SEMA3E: variants seen among roughly 807,000 people sequenced by gnomAD.
SEMA3E encodes semaphorin-3E.
Under a neutral mutation model 93.6 loss-of-function variants are expected in SEMA3E, and 49 were observed. The observed-to-expected ratio is 0.52, with a 90% confidence interval of 0.42 to 0.66. SEMA3E has a LOEUF of 0.66. Ranked by LOEUF, SEMA3E falls within the 30% of genes least tolerant of loss-of-function variation. The probability of loss-of-function intolerance (pLI) is 0.00; values close to 1 mark genes in which losing one functional copy is unlikely to be tolerated. For missense variants in SEMA3E, 906 were observed against 964.8 expected (o/e 0.94, Z 0.81); for synonymous variants, 363 against 330.7 (o/e 1.10, Z -1.06).
chr7:83,374,819 A>G (rs1477357388), intron 16 of SEMA3E, among the ~76,000 whole-genome samples: 1 of 152,160 alleles, frequency 6.6e-6, no homozygotes, highest in Non-Finnish European at 1.5e-5. Flanking sequence ...TGAAAGTAGA[A>G]AAAGGAGGTC....
At chr7:83,368,211 G>C (rs2709969) in intron 16 of SEMA3E, among the ~76,000 whole-genome samples, 173 bp from the exon 17 acceptor site, 5 of 52,200 alleles carry the variant, frequency 9.6e-5, no homozygotes, top group African/African-American at 2.2e-4. Context: ...CTCTCTCTCT[G>C]TGTGTGTGTG....
chr7:83,389,966 C>T (rs969297758), intron 14 of SEMA3E, among the ~76,000 whole-genome samples: 4 of 139,952 alleles, frequency 2.9e-5, no homozygotes, highest in African/African-American at 1.0e-4. Context: ...ATAGTGTATA[C>T]GTATACACAT....
chr7:83,571,720 C>G (rs1205421304), intron 1 of SEMA3E, among the ~76,000 whole-genome samples: 1 of 152,098 alleles, frequency 6.6e-6, no homozygotes, highest in Admixed American at 6.6e-5. Context: ...GAAGTGCTAG[C>G]CAGAGGAATC....
intron 1 of SEMA3E, among the ~76,000 whole-genome samples, chr7:83,603,842 A>G (rs1167595071): frequency 1.3e-5 from 2 of 152,180 alleles, no homozygotes; most frequent in Non-Finnish European, 1.5e-5. Flanking sequence ...TACTTGTAAC[A>G]AGTGCTTATA....
chr7:83,563,187 G>A (rs192379097), intron 1 of SEMA3E, among the ~76,000 whole-genome samples: 21 of 152,224 alleles, frequency 1.4e-4, no homozygotes, highest in East Asian at 3.9e-4. Context: ...CAGATACAGC[G>A]TTGATCAACA....
At chr7:83,374,163 G>A (rs568832412) in intron 16 of SEMA3E, among the ~76,000 whole-genome samples, 14 of 134,124 alleles carry the variant, frequency 1.0e-4, no homozygotes, top group African/African-American at 3.2e-4. Context: ...CCGAGATCAC[G>A]CCATTGCACT....
intron 1 of SEMA3E, among the ~76,000 whole-genome samples, chr7:83,570,390 A>T (rs1240147421): frequency 1.3e-5 from 2 of 148,816 alleles, no homozygotes; most frequent in East Asian, 3.9e-4. Flanking sequence ...CGTCTCTACT[A>T]AAAATACAAA....
At chr7:83,586,054 T>G (rs1792620047) in intron 1 of SEMA3E, among the ~76,000 whole-genome samples, 1 of 152,176 alleles carries the variant, frequency 6.6e-6, no homozygotes, top group African/African-American at 2.4e-5. Flanking sequence ...AATGTGTTAA[T>G]GTGATTTTAA....
chr7:83,379,115 G>A (rs112060593), intron 16 of SEMA3E, among the ~76,000 whole-genome samples: 2 of 151,826 alleles, frequency 1.3e-5, no homozygotes, highest in African/African-American at 2.4e-5. Context: ...GATGGAACTG[G>A]AGGACATTAT....
At chr7:83,477,466 A>T (rs1397507250) in intron 2 of SEMA3E, among the ~76,000 whole-genome samples, 4 of 152,114 alleles carry the variant, frequency 2.6e-5, no homozygotes, top group Non-Finnish European at 5.9e-5. Flanking sequence ...TATAAATGAT[A>T]ATCTTTAACC....
chr7:83,528,138 G>A (rs1165572877), intron 1 of SEMA3E, among the ~76,000 whole-genome samples: 2 of 151,892 alleles, frequency 1.3e-5, no homozygotes, highest in Non-Finnish European at 2.9e-5. Context: ...ATCTAAGTTA[G>A]CCTACTGACA....
In SEMA3E at chr7:83,454,290, T is replaced by C. The variant is rs1445486631; in HGVS notation, c.456+12192A>G. Among the ~76,000 whole-genome samples the C allele has an allele frequency of 3.7e-5, 5 of 135,626 alleles. No homozygotes were observed. The Admixed American group carries it at 3.9e-4, about 10-fold the overall frequency. The allele number at this position is 135,626 out of a possible 152,430, so 89.0% of individuals were successfully genotyped here. On this transcript the variant is annotated intron_variant, in intron 4 of 16. Coordinates refer to ENST00000643230, the MANE Select transcript of SEMA3E (RefSeq NM_012431.3). ...AAAAAAAAATATATATATATATATA[T>C]ATATATAATGTGTGTATATATATTT...
chr7:83,381,051 C>A (rs1237554917), intron 16 of SEMA3E, among the ~76,000 whole-genome samples: 1 of 152,008 alleles, frequency 6.6e-6, no homozygotes, highest in Admixed American at 6.6e-5. Context: ...CCTATCACCT[C>A]AATGACTACC....
chr7:83,565,440 G>A (rs1399659815), intron 1 of SEMA3E, among the ~76,000 whole-genome samples: 2 of 152,052 alleles, frequency 1.3e-5, no homozygotes, highest in Admixed American at 6.6e-5. Context: ...GTCAATAGGT[G>A]CAAGAAACCA....
At chr7:83,595,965 G>A (rs567445955) in intron 1 of SEMA3E, among the ~76,000 whole-genome samples, 1 of 152,060 alleles carries the variant, frequency 6.6e-6, no homozygotes, top group East Asian at 1.9e-4. Flanking sequence ...ACCCTTCCTT[G>A]TGTCTTGCCT....
At chr7:83,462,241 G>A (rs1030742572) in intron 4 of SEMA3E, 8 of 152,132 alleles carry the variant, frequency 5.3e-5, no homozygotes, top group African/African-American at 1.9e-4. Flanking sequence ...TCAATATGGA[G>A]GCTACCCACT....
chr7:83,528,730 G>A (rs897423377), intron 1 of SEMA3E, among the ~76,000 whole-genome samples: 2 of 151,790 alleles, frequency 1.3e-5, no homozygotes, highest in African/African-American at 4.8e-5. Flanking sequence ...ATATAATCTA[G>A]TTAACATAAT....
intron 6 of SEMA3E, among the ~76,000 whole-genome samples, chr7:83,407,812 C>A (rs1788357901): frequency 6.6e-6 from 1 of 152,048 alleles, no homozygotes; most frequent in Non-Finnish European, 1.5e-5. Flanking sequence ...TCATCAATGA[C>A]TATGCATTTT....
chr7:83,454,402 G>A (rs548477387), intron 4 of SEMA3E, among the ~76,000 whole-genome samples: 31 of 151,124 alleles, frequency 2.1e-4, no homozygotes, highest in Admixed American at 7.9e-4. Context: ...ATTGGGTGCA[G>A]GAAGAGTTGA....
Sources: gnomAD v4.1 joint callset for allele counts (sites outside exome capture counted in the v4.1 genomes callset) on GRCh38, gnomAD v4.1.1 for gene constraint, MANE v1.5 for transcripts, NCBI Gene and HGNC (gene_info 2026-07-23, HGNC 2026-07-21) for gene names.